The following DOCK3 variants were observed in gnomAD, a reference collection of about 807,000 sequenced individuals.
DOCK3 encodes dedicator of cytokinesis 3.
In DOCK3, 60 loss-of-function variants were observed where a neutral mutation model predicts 265.6. The observed-to-expected ratio is 0.23, with a 90% confidence interval of 0.18 to 0.28. The LOEUF is 0.28. DOCK3 is among the 10% of genes least tolerant of loss of function. DOCK3 has a pLI of 1.00. For missense variants in DOCK3, 1,981 were observed against 2,594.3 expected (o/e 0.76, Z 5.14); for synonymous variants, 881 against 938.0 (o/e 0.94, Z 1.11).
intron 12 of DOCK3, among the ~76,000 whole-genome samples, chr3:51,183,766 AG>A (rs1442805093): frequency 6.6e-6 from 1 of 152,230 alleles, no homozygotes; most frequent in Non-Finnish European, 1.5e-5. Context: ...TACATAAGCA[AG>A]GGTTATAGAT....
chr3:51,327,286 C>T (rs960167793), intron 32 of DOCK3, among the ~76,000 whole-genome samples: 1 of 152,126 alleles, frequency 6.6e-6, no homozygotes, highest in African/African-American at 2.4e-5. Flanking sequence ...TTATTGAGTG[C>T]TTCCCAAGAT....
At chr3:50,750,590 A>T (rs1194008207) in intron 1 of DOCK3, among the ~76,000 whole-genome samples, 1 of 152,118 alleles carries the variant, frequency 6.6e-6, no homozygotes, top group East Asian at 1.9e-4. Flanking sequence ...GGCCTCCCAA[A>T]GTGCTGGGAT....
chr3:51,374,397 G>C lies in DOCK3; in HGVS notation c.5294-72G>C. The C allele has an allele frequency of 7.0e-7, 1 of 1,428,378 alleles. No homozygotes were observed. The highest frequency in any genetic ancestry group is 9.7e-7 in the Non-Finnish European group (1 of 1,031,440). 88.5% of individuals were successfully genotyped at this position (1,428,378 alleles called of 1,614,324 possible). Reference sequence around the variant, plus strand: ...ACACCTACCCTGGTTCCCTAGTCCTGAGGATGCTTGACTGCTGGACCCTCC... The same window carrying C: ...ACACCTACCCTGGTTCCCTAGTCCTCAGGATGCTTGACTGCTGGACCCTCC... On this transcript the variant is annotated intron_variant, in intron 49 of 52. Coordinates refer to ENST00000266037, the MANE Select transcript of DOCK3 (RefSeq NM_004947.5). The surrounding 1 kb of genome is among the most constrained non-coding windows in gnomAD (Gnocchi z 4.8).
At chr3:50,877,365 C>T (rs560212976) in intron 3 of DOCK3, 50 of 503,392 alleles carry the variant, frequency 9.9e-5, no homozygotes, top group Admixed American at 3.4e-4. Context: ...CTAGTATCTT[C>T]ATCATAATCC....
At chr3:51,046,570 T>G (rs984207940) in intron 5 of DOCK3, among the ~76,000 whole-genome samples, 2 of 152,200 alleles carry the variant, frequency 1.3e-5, no homozygotes, top group Admixed American at 1.3e-4. Context: ...GCACTCATCA[T>G]GATACCTAAA....
intron 22 of DOCK3, among the ~76,000 whole-genome samples, chr3:51,253,172 G>A (rs74341722): frequency 0.013 from 2,047 of 152,208 alleles, 54 homozygotes; most frequent in African/African-American, 0.045. Context: ...ATGTTTATTG[G>A]TTTGCATATG....
intron 2 of DOCK3, among the ~76,000 whole-genome samples, chr3:50,812,763 T>A (rs1393636284): frequency 6.6e-6 from 1 of 152,212 alleles, no homozygotes; most frequent in African/African-American, 2.4e-5. Flanking sequence ...AGAAACACCC[T>A]CACAGACACA....
intron 9 of DOCK3, among the ~76,000 whole-genome samples, chr3:51,102,815 A>G (rs990426333): frequency 1.3e-5 from 2 of 152,224 alleles, no homozygotes; most frequent in African/African-American, 2.4e-5. Context: ...GTTTTTAAAA[A>G]TCAGTTCTTG....
Position 50,732,411 on chromosome 3 carries a change from T to TA in DOCK3, c.38-46252dup, listed in dbSNP as rs978390836. Among the ~76,000 whole-genome samples the TA allele has an allele frequency of 1.9e-3, 279 of 145,020 alleles. 2 individuals are homozygous for TA. The highest frequency in any genetic ancestry group is 6.0e-3 in the African/African-American group (238 of 39,694). ...CATCCTGCACATGTACCCCAGAACT[T>TA]AAAAAAAAAAAAGTCAGGGTCTCAC... On this transcript the variant is annotated intron_variant, in intron 1 of 52. Transcript: ENST00000266037.
chr3:51,250,589 A>G (rs2079161718), intron 22 of DOCK3, among the ~76,000 whole-genome samples: 1 of 152,232 alleles, frequency 6.6e-6, no homozygotes, highest in South Asian at 2.1e-4. Flanking sequence ...GCTGCACTCC[A>G]GCCTGGGTGA....
chr3:51,136,094 C>G (rs2084781288), intron 9 of DOCK3, among the ~76,000 whole-genome samples: 1 of 152,156 alleles, frequency 6.6e-6, no homozygotes, highest in African/African-American at 2.4e-5. Context: ...TGCACTCTCT[C>G]CTCCTGGAAT....
At chr3:51,267,121 C>G (rs1043241435) in intron 23 of DOCK3, among the ~76,000 whole-genome samples, 1 of 152,110 alleles carries the variant, frequency 6.6e-6, no homozygotes, top group African/African-American at 2.4e-5. Flanking sequence ...CAATGAGATA[C>G]CATCTCACAC....
chr3:50,817,422 G>A (rs539665473), intron 2 of DOCK3, among the ~76,000 whole-genome samples: 8 of 152,086 alleles, frequency 5.3e-5, no homozygotes, highest in African/African-American at 1.7e-4. Context: ...CTCCTAAGTA[G>A]CTGGACAGCA....
At chr3:50,983,116 A>G (rs1255268906) in intron 5 of DOCK3, among the ~76,000 whole-genome samples, 1 of 151,936 alleles carries the variant, frequency 6.6e-6, no homozygotes, top group African/African-American at 2.4e-5. Context: ...GGCATACCAG[A>G]CCTCTGCTGC....
intron 6 of DOCK3, 124 bp downstream of exon 6, chr3:51,064,720 G>C: frequency 2.4e-6 from 3 of 1,262,352 alleles, no homozygotes; most frequent in Non-Finnish European, 3.2e-6. Flanking sequence ...TCTTCACTAA[G>C]CTTTCATCAT....
At chr3:51,250,084 T>C (rs1335579213) in intron 22 of DOCK3, among the ~76,000 whole-genome samples, 1 of 151,682 alleles carries the variant, frequency 6.6e-6, no homozygotes, top group Non-Finnish European at 1.5e-5. Flanking sequence ...GCATGCTCAT[T>C]AAGAGTCATC....
rs527777187 is a variant in DOCK3, at chr3:51,381,046, G to A, written c.5584-4G>A. ...TTCTAACATGCCCACCCTTTCCTTCGCAGTCTCCTCTCCACCCTATCCCAG... is the reference window on the plus strand; with the variant it reads ...TTCTAACATGCCCACCCTTTCCTTCACAGTCTCCTCTCCACCCTATCCCAG... On this transcript the variant is annotated splice_region_variant and splice_polypyrimidine_tract_variant and intron_variant, in intron 52 of 52. Coordinates refer to ENST00000266037, the MANE Select transcript of DOCK3 (RefSeq NM_004947.5). This position sits in a 1 kb window ranked among gnomAD's most constrained non-coding sequence, Gnocchi z 5.6. 7 of 1,580,006 alleles carry A rather than the reference G, an allele frequency of 4.4e-6. No homozygotes were observed. Among genetic ancestry groups the A allele is most frequent in the East Asian group, 2.3e-5 (1 of 44,406 alleles).
At chr3:50,786,828 A>G (rs2108572046) in intron 2 of DOCK3, 2 of 741,340 alleles carry the variant, frequency 2.7e-6, no homozygotes, top group Middle Eastern at 5.0e-4. Flanking sequence ...TGTAGCTGGT[A>G]ATTGTACTGA....
At chr3:50,803,681 G>A (rs1576479937) in intron 2 of DOCK3, among the ~76,000 whole-genome samples, 1 of 150,838 alleles carries the variant, frequency 6.6e-6, no homozygotes, top group East Asian at 2.0e-4. Flanking sequence ...TCCCAGATGG[G>A]GCGGCTACCA....
Sources: gnomAD v4.1 joint callset for allele counts (sites outside exome capture counted in the v4.1 genomes callset) on GRCh38, gnomAD v4.1.1 for gene constraint, Gnocchi (gnomAD v3.1) non-coding constraint, MANE v1.5 for transcripts, NCBI Gene and HGNC (gene_info 2026-07-23, HGNC 2026-07-21) for gene names.